The following PHYKPL variants were observed in gnomAD, a reference collection of about 807,000 sequenced individuals.
PHYKPL encodes 5-phosphonooxy-L-lysine phospho-lyase.
PHYKPL carries 42 observed loss-of-function variants against 51.3 expected under a neutral mutation model. The ratio of observed to expected loss-of-function variants is 0.82; its 90% CI spans 0.64 to 1.06. The LOEUF is 1.06. Ranked by LOEUF, PHYKPL falls within the 50% of genes least tolerant of loss-of-function variation. The pLI, the probability that PHYKPL is intolerant of heterozygous loss-of-function variation, is 0.00. For missense variants in PHYKPL, 655 were observed against 586.6 expected (o/e 1.12, Z -1.20); for synonymous variants, 264 against 236.0 (o/e 1.12, Z -1.09).
At chr5:178,223,389 C>T (rs1248700641) in intron 6 of PHYKPL, 3 of 456,562 alleles carry the variant, frequency 6.6e-6, no homozygotes, top group Non-Finnish European at 1.3e-5. Context: ...ATGCCTTTTC[C>T]AGTCCATCCT....
chr5:178,231,574 G>A (rs764674460), intron 1 of PHYKPL, 51 bp from the exon 2 acceptor site: 2 of 1,613,644 alleles, frequency 1.2e-6, no homozygotes, highest in South Asian at 1.1e-5. Flanking sequence ...CCGAAAGGGT[G>A]AAGTCTACTC....
chr5:178,232,541 C>A lies in PHYKPL; in HGVS notation c.10G>T (p.Asp4Tyr). ...AGCGTGTCGGCCTTCGGGCGCTGGT[C>A]TGCGGCCATGGTGGGTGGCCGTCAG... MAA[D>Y]QRPKADTLAL... The change falls in exon 1 of 13, where the codon GAC becomes TAC. Residue 4 changes from aspartate (D) to tyrosine (Y), a missense_variant. Physicochemically the swap from Asp to Tyr is radical, Grantham distance 160. Transcript: ENST00000308158. 14 of 1,265,206 alleles carry A rather than the reference C, an allele frequency of 1.1e-5. No individual in the cohort carries two copies. Among genetic ancestry groups the A allele is most frequent in the South Asian group, 4.5e-5 (2 of 44,176 alleles). The allele number at this position is 1,265,206 out of a possible 1,614,324, so 78.4% of individuals were successfully genotyped here. A position where few individuals can be genotyped will look rare whatever the true frequency, so the allele number is the denominator to read the frequency against.
In PHYKPL at chr5:178,212,977, C is replaced by T; in HGVS notation, c.1299G>A (p.Leu433=). 1 of 1,614,056 alleles carries T rather than the reference C, an allele frequency of 6.2e-7. No homozygotes were observed. Among genetic ancestry groups the T allele is most frequent in the Non-Finnish European group, 8.5e-7 (1 of 1,179,972 alleles). ...RQVVAKLDAI[L]TDMEEKVRSC... Reference sequence around the variant, plus strand: ...AAGCTCAGGCTTCAAGCTCACCAGTCAGAATGGCATCCAGCTTTGCCACCA... The same window carrying T: ...AAGCTCAGGCTTCAAGCTCACCAGTTAGAATGGCATCCAGCTTTGCCACCA... Residue 433 remains leucine, a synonymous_variant, in exon 11 of 13, where the codon CTG becomes CTA. Coordinates refer to ENST00000308158, the MANE Select transcript of PHYKPL (RefSeq NM_153373.4).
Position 178,211,877 on chromosome 5 carries a change from A to T in PHYKPL, c.*31+13T>A, listed in dbSNP as rs118126789. The T allele has an allele frequency of 3.9e-4, 629 of 1,598,466 alleles. 6 individuals are homozygous for T. The East Asian group carries it at 0.012, about 30-fold the overall frequency. The stretch of plus-strand genomic sequence containing the variant: ...CTGTGCATCTTCAAGAGTAAGAAGC[A>T]AGGCCCACTCACCTGGAGTACACTT... On this transcript the variant is annotated intron_variant, in intron 12 of 12. Transcript: ENST00000308158.
At chr5:178,212,242 C>G (rs1758680552) in intron 11 of PHYKPL, among the ~76,000 whole-genome samples, 1 of 152,202 alleles carries the variant, frequency 6.6e-6, no homozygotes, top group Admixed American at 6.5e-5. Context: ...TTCATCATAT[C>G]CCTACCACTT....
chr5:178,219,143 G>C (rs1200062560), intron 8 of PHYKPL, among the ~76,000 whole-genome samples: 1 of 152,124 alleles, frequency 6.6e-6, no homozygotes, highest in Non-Finnish European at 1.5e-5. Flanking sequence ...ACTTGGAGTA[G>C]GGAGAGATAT....
rs770021859 is a variant in PHYKPL at position 178,225,462 on chromosome 5, G to C, written c.339-33C>G. On this transcript the variant is annotated intron_variant, in intron 3 of 12. Coordinates refer to ENST00000308158, the MANE Select transcript of PHYKPL (RefSeq NM_153373.4). ...CGAAAAGGTGGGCATGACTGAGAGAGTAGTCTAAGAGCTTCCCAGAGAGAA... is the reference window on the plus strand; with the variant it reads ...CGAAAAGGTGGGCATGACTGAGAGACTAGTCTAAGAGCTTCCCAGAGAGAA... 17 of 1,611,000 alleles carry C rather than the reference G, an allele frequency of 1.1e-5. No individual in the cohort carries two copies. The South Asian group carries it at 1.8e-4, about 17-fold the overall frequency.
chr5:178,215,568 C>A, intron 8 of PHYKPL, 138 bp from the exon 9 acceptor site: 1 of 978,280 alleles, frequency 1.0e-6, no homozygotes, highest in Non-Finnish European at 1.5e-6. Flanking sequence ...TTAGGGCGCA[C>A]AGTCCTCAGC....
At chr5:178,210,010 C>T in intron 12 of PHYKPL, 2 of 1,378,022 alleles carry the variant, frequency 1.5e-6, no homozygotes, top group Non-Finnish European at 2.0e-6. Flanking sequence ...GAACAGCAGC[C>T]CCTTGGCTTC....
chr5:178,227,639 T>C (rs1384461471), intron 3 of PHYKPL, among the ~76,000 whole-genome samples: 1 of 152,140 alleles, frequency 6.6e-6, no homozygotes, highest in African/African-American at 2.4e-5. Context: ...AGGGGACATG[T>C]GCACAGGGCT....
chr5:178,222,210 G>T, intron 8 of PHYKPL, 145 bp downstream of exon 8: 1 of 654,286 alleles, frequency 1.5e-6, no homozygotes, highest in Non-Finnish European at 2.5e-6. Context: ...TACCTGACCT[G>T]GCTATAATCT....
intron 12 of PHYKPL, chr5:178,210,127 C>T (rs367725199): frequency 5.0e-6 from 8 of 1,613,966 alleles, no homozygotes; most frequent in Non-Finnish European, 5.1e-6. Flanking sequence ...CTGCTCCCCC[C>T]ACAGGTCAGA....
rs141164003 is a variant in PHYKPL, at chr5:178,219,303, T to C, written c.927+3052A>G. ...CACAAATACACAATAGACAAGGGAT[T>C]AGCATAATAGATATGTATGTGTTGG... On this transcript the variant is annotated intron_variant, in intron 8 of 12. Transcript: ENST00000308158. Among the ~76,000 whole-genome samples, 339 of 152,056 alleles carry C rather than the reference T, an allele frequency of 2.2e-3. 2 individuals carry two copies. Among genetic ancestry groups the C allele is most frequent in the Admixed American group, 3.7e-3 (57 of 15,276 alleles).
intron 8 of PHYKPL, among the ~76,000 whole-genome samples, chr5:178,217,551 A>T (rs372991125): frequency 4.6e-5 from 7 of 151,438 alleles, no homozygotes; most frequent in African/African-American, 1.7e-4. Context: ...CAGATGAAAG[A>T]ATCAGTGAAA....
At chr5:178,230,360 T>A in intron 2 of PHYKPL, 1 of 81,952 alleles carries the variant, frequency 1.2e-5, no homozygotes, top group African/African-American at 4.3e-5. Flanking sequence ...TAAGGAGGAC[T>A]TTTTTTTTTT....
chr5:178,210,896 T>A, intron 12 of PHYKPL: 2 of 509,040 alleles, frequency 3.9e-6, no homozygotes, highest in Admixed American at 3.6e-5. Context: ...CTCTGCTTCC[T>A]GCTGCCGCTC....
chr5:178,232,627 C>A lies in PHYKPL; in HGVS notation c.-77G>T. Reference sequence around the variant, plus strand: ...CGGGCTGGGCCTCCAAGGCCCCGCTCCGGGCCCCGCCCCTGCCTGGGTCGG... The same window carrying A: ...CGGGCTGGGCCTCCAAGGCCCCGCTACGGGCCCCGCCCCTGCCTGGGTCGG... On this transcript the variant is annotated 5_prime_UTR_variant, in exon 1 of 13. Coordinates refer to ENST00000308158, the MANE Select transcript of PHYKPL (RefSeq NM_153373.4). 8.1e-7 allele frequency: 1 copy of A among 1,234,392 alleles called. No individual in the cohort carries two copies. The highest frequency in any genetic ancestry group is 3.6e-5 in the South Asian group (1 of 28,038). The allele number at this position is 1,234,392 out of a possible 1,614,324, so 76.5% of individuals were successfully genotyped here.
chr5:178,232,423 T>TGCGTCGTGCGTGCGC lies in PHYKPL; in HGVS notation c.59+54_59+68dup, dbSNP rs1554119821. 18 of 1,361,440 alleles carry TGCGTCGTGCGTGCGC rather than the reference T, an allele frequency of 1.3e-5. No homozygotes were observed. In the African/African-American group the frequency reaches 1.5e-4, roughly 11 times the overall value. 84.3% of individuals were successfully genotyped at this position (1,361,440 alleles called of 1,614,324 possible). A position where few individuals can be genotyped will look rare whatever the true frequency, so the allele number is the denominator to read the frequency against. ...GGCGCGTGCGTAGTGCGTGCGTGCG[T>TGCGTCGTGCGTGCGC]GCGTCGTGCGTGCGCGTGCCTCTCC... On this transcript the variant is annotated intron_variant, in intron 1 of 12. Coordinates refer to ENST00000308158, the MANE Select transcript of PHYKPL (RefSeq NM_153373.4).
At chr5:178,209,572 A>C in intron 12 of PHYKPL, 1 of 775,000 alleles carries the variant, frequency 1.3e-6, no homozygotes, top group South Asian at 1.6e-5. Context: ...GTTGGGGACG[A>C]ACAGGAATAG....
Sources: gnomAD v4.1 joint callset for allele counts (sites outside exome capture counted in the v4.1 genomes callset) on GRCh38, gnomAD v4.1.1 for gene constraint, MANE v1.5 for transcripts, NCBI Gene and HGNC (gene_info 2026-07-23, HGNC 2026-07-21) for gene names.